IL2RA: variants seen among roughly 807,000 people sequenced by gnomAD.
IL2RA encodes the protein interleukin 2 receptor subunit alpha, also known as interleukin-2 receptor subunit alpha.
In IL2RA, 24 loss-of-function variants were observed where a neutral mutation model predicts 37.8. That is an observed-to-expected ratio of 0.63 (90% CI 0.46 to 0.89). IL2RA has a LOEUF of 0.89. Among genes scored for constraint, IL2RA ranks in the 40% least tolerant of loss-of-function variants. The pLI, the probability that IL2RA is intolerant of heterozygous loss-of-function variation, is 0.00. For synonymous variants in IL2RA, 125 were observed against 114.6 expected (o/e 1.09, Z -0.58); for missense variants, 319 against 348.6 (o/e 0.92, Z 0.68).
chr10:6,018,191 A>C lies in IL2RA; in HGVS notation c.728-72T>G. 8.2e-7 allele frequency: 1 copy of C among 1,213,656 alleles called. No homozygotes were observed. Among genetic ancestry groups the C allele is most frequent in the Non-Finnish European group, 1.2e-6 (1 of 821,704 alleles). The allele number at this position is 1,213,656 out of a possible 1,614,324, so 75.2% of individuals were successfully genotyped here. ...TGGGGGCAGCAGGAGCCAGGGCCAC[A>C]GGGCAGGCTGAGGACATCCCCAAAG... On this transcript the variant is annotated intron_variant, in intron 6 of 7. Transcript: ENST00000379959. This position sits in a 1 kb window ranked among gnomAD's most constrained non-coding sequence, Gnocchi z 5.1.
At position 6,056,765 on chromosome 10, in the gene IL2RA, T is replaced by C. The variant is rs1176205026; in HGVS notation, c.64+5323A>G. Among the ~76,000 whole-genome samples the C allele has an allele frequency of 1.3e-5, 2 of 151,906 alleles. No homozygotes were observed. Among genetic ancestry groups the C allele is most frequent in the African/African-American group, 4.8e-5 (2 of 41,382 alleles). On this transcript the variant is annotated intron_variant, in intron 1 of 7. Transcript: ENST00000379959. The surrounding 1 kb of genome is among the most constrained non-coding windows in gnomAD (Gnocchi z 5.0). ...CGAAACTGTCCAAAAAAAAAAAAGA[T>C]TCCCCTTTCTCTTCTCTCAGGGAAT... is the stretch of plus-strand genomic sequence containing the variant.
chr10:6,051,709 G>A (rs1274871465), intron 1 of IL2RA, among the ~76,000 whole-genome samples: 3 of 143,896 alleles, frequency 2.1e-5, no homozygotes, highest in East Asian at 2.0e-4. Context: ...TAGTAGAGAC[G>A]GGGTTTCACC....
chr10:6,049,324 G>A (rs976642887), intron 1 of IL2RA, among the ~76,000 whole-genome samples: 5 of 152,296 alleles, frequency 3.3e-5, no homozygotes, highest in South Asian at 2.1e-4. Flanking sequence ...TCTATGGTTG[G>A]ATGATCCCCA....
At position 6,020,735 on chromosome 10, in the gene IL2RA, G is replaced by A. The variant is rs1039663555; in HGVS notation, c.583+743C>T. Reference sequence around the variant, plus strand: ...TTTAGTAGAGACGGGGTTTCACCATGTTGGCCAGGCTGGTCTCGAACTCCT... The same window carrying A: ...TTTAGTAGAGACGGGGTTTCACCATATTGGCCAGGCTGGTCTCGAACTCCT... On this transcript the variant is annotated intron_variant, in intron 4 of 7. Coordinates refer to ENST00000379959, the MANE Select transcript of IL2RA (RefSeq NM_000417.3). The surrounding 1 kb of genome is among the most constrained non-coding windows in gnomAD (Gnocchi z 5.6). 2.6e-5 allele frequency among the ~76,000 whole-genome samples: 4 copies of A among 152,120 alleles called. No individual in the cohort carries two copies. Among genetic ancestry groups the A allele is most frequent in the African/African-American group, 9.7e-5 (4 of 41,404 alleles).
Position 6,018,088 on chromosome 10 carries a change from G to T in IL2RA, c.759C>A (p.Val253=), listed in dbSNP as rs752198531. 6.2e-7 allele frequency: 1 copy of T among 1,614,024 alleles called. No homozygotes were observed. The highest frequency in any genetic ancestry group is 1.1e-5 in the South Asian group (1 of 91,062). The stretch of plus-strand genomic sequence containing the variant: ...GCCAGGTGAGCCCACTCAGGAGGAG[G>T]ACGCTGATCAGCAGGAAAACACAGC... The part of the protein sequence containing the change: ...VAGCVFLLIS[V]LLLSGLTWQR... The change falls in exon 7 of 8, where the codon GTC becomes GTA. Residue 253 remains valine, a synonymous_variant. Coordinates refer to ENST00000379959, the MANE Select transcript of IL2RA (RefSeq NM_000417.3). The surrounding 1 kb of genome is among the most constrained non-coding windows in gnomAD (Gnocchi z 5.1).
rs938530029 is a variant in IL2RA, at chr10:6,029,711, A to AT, written c.65-3687dup. 1.5e-3 allele frequency among the ~76,000 whole-genome samples: 216 copies of AT among 148,010 alleles called. No individual in the cohort carries two copies. Among genetic ancestry groups the AT allele is most frequent in the Admixed American group, 2.2e-3 (32 of 14,852 alleles). ...CTCAGTAGATAAATGAAAACTTGTA[A>AT]TTTTTTTTTTTGAGATGGAGTCTTG... On this transcript the variant is annotated intron_variant, in intron 1 of 7. Coordinates refer to ENST00000379959, the MANE Select transcript of IL2RA (RefSeq NM_000417.3). This position sits in a 1 kb window ranked among gnomAD's most constrained non-coding sequence, Gnocchi z 4.6.
intron 1 of IL2RA, among the ~76,000 whole-genome samples, chr10:6,045,943 GT>G (rs1839848671): frequency 6.6e-6 from 1 of 152,170 alleles, no homozygotes; most frequent in Non-Finnish European, 1.5e-5. Flanking sequence ...GATGCTAAGA[GT>G]TTCTCCTGGG....
rs1167191087 is a variant in IL2RA, at chr10:6,035,742, C to A, written c.65-9717G>T. On this transcript the variant is annotated intron_variant, in intron 1 of 7. Coordinates refer to ENST00000379959, the MANE Select transcript of IL2RA (RefSeq NM_000417.3). This position sits in a 1 kb window ranked among gnomAD's most constrained non-coding sequence, Gnocchi z 5.4. ...GCCGAGGGCTTTGGCCTGGGACCCA[C>A]ACCAAGACAGAGTCAAACCGAGTTC... is the stretch of plus-strand genomic sequence containing the variant. Among the ~76,000 whole-genome samples the A allele has an allele frequency of 6.6e-6, 1 of 152,214 alleles. No individual in the cohort carries two copies. The highest frequency in any genetic ancestry group is 1.5e-5 in the Non-Finnish European group (1 of 68,028).
Position 6,026,043 on chromosome 10 carries a change from C to T in IL2RA, c.65-18G>A, listed in dbSNP as rs1006818127. On this transcript the variant is annotated intron_variant, in intron 1 of 7. Transcript: ENST00000379959. ...ACAGAGCTCTGCAAAGCAAAAGAAG[C>T]CTATTAGGAACTCAAGAGGCCCCAG... 1 of 1,612,246 alleles carries T rather than the reference C, an allele frequency of 6.2e-7. No homozygotes were observed.
intron 1 of IL2RA, among the ~76,000 whole-genome samples, chr10:6,032,991 A>T (rs570216530): frequency 6.6e-6 from 1 of 152,356 alleles, no homozygotes; most frequent in South Asian, 2.1e-4. Context: ...TAAAAGACTG[A>T]TACGTCAAAT....
In IL2RA at chr10:6,021,489, C is replaced by T; in HGVS notation, c.572G>A (p.Ser191Asn). Residue 191 changes from serine (S) to asparagine (N), a missense_variant, in exon 4 of 8, where the codon AGT (serine) becomes AAT (asparagine). Physicochemically the swap from Ser to Asn is conservative, Grantham distance 46. Coordinates refer to ENST00000379959, the MANE Select transcript of IL2RA (RefSeq NM_000417.3). The surrounding 1 kb of genome is among the most constrained non-coding windows in gnomAD (Gnocchi z 4.9). ...QLICTGEMET[S>N]QFPGEEKPQA... is the part of the protein sequence containing the mutation. ...GGGAGCCACCCTACCTGGAAACTGA[C>T]TGGTCTCCATTTCACCTGTGCATAT... 1.2e-6 allele frequency: 2 copies of T among 1,613,850 alleles called. No homozygotes were observed. Among genetic ancestry groups the T allele is most frequent in the Non-Finnish European group, 1.7e-6 (2 of 1,179,926 alleles).
rs557456910 is a variant in IL2RA, at chr10:6,046,236, C to G, written c.64+15852G>C. ...GATCATGCCTTTTCACAGACAATGACAATCCAAATGTGGAAACACAGGGAG... is the reference window on the plus strand; with the variant it reads ...GATCATGCCTTTTCACAGACAATGAGAATCCAAATGTGGAAACACAGGGAG... On this transcript the variant is annotated intron_variant, in intron 1 of 7. Transcript: ENST00000379959. This position sits in a 1 kb window ranked among gnomAD's most constrained non-coding sequence, Gnocchi z 4.8. Among the ~76,000 whole-genome samples, 70 of 152,274 alleles carry G rather than the reference C, an allele frequency of 4.6e-4. No homozygotes were observed. Among genetic ancestry groups the G allele is most frequent in the African/African-American group, 1.6e-3 (66 of 41,536 alleles).
Position 6,025,878 on chromosome 10 carries a change from G to C in IL2RA, c.212C>G (p.Ser71Cys), listed in dbSNP as rs766766658. Residue 71 changes from serine (S) to cysteine (C), a missense_variant, in exon 2 of 8, where the codon TCT (serine) becomes TGT (cysteine). Physicochemically the swap from Ser to Cys is moderately radical, Grantham distance 112. Coordinates refer to ENST00000379959, the MANE Select transcript of IL2RA (RefSeq NM_000417.3). The surrounding 1 kb of genome is among the most constrained non-coding windows in gnomAD (Gnocchi z 4.4). ...GSLYMLCTGN[S>C]SHSSWDNQCQ... ...TTGGTTGTCCCAGGACGAGTGGCTA[G>C]AGTTTCCTGTACAGAGCATATAGAG... 1 of 1,614,190 alleles carries C rather than the reference G, an allele frequency of 6.2e-7. No homozygotes were observed. Among genetic ancestry groups the C allele is most frequent in the East Asian group, 2.2e-5 (1 of 44,894 alleles).
chr10:6,042,999 T>TGATCTCAC (rs1206681672), intron 1 of IL2RA, among the ~76,000 whole-genome samples: 1 of 152,220 alleles, frequency 6.6e-6, no homozygotes, highest in Non-Finnish European at 1.5e-5. Context: ...CTAGGATCAG[T>TGATCTCAC]GATCTCACTT....
At chr10:6,031,466 A>G (rs1031231422) in intron 1 of IL2RA, among the ~76,000 whole-genome samples, 3 of 16,496 alleles carry the variant, frequency 1.8e-4, no homozygotes, top group East Asian at 1.6e-3. Flanking sequence ...ATATATATAT[A>G]TATATATATA....
intron 1 of IL2RA, among the ~76,000 whole-genome samples, chr10:6,049,922 G>A (rs1000834850): frequency 1.3e-5 from 2 of 152,190 alleles, no homozygotes; most frequent in Admixed American, 1.3e-4. Context: ...GGAGGAGGGT[G>A]TTCCTGGGAG....
intron 1 of IL2RA, among the ~76,000 whole-genome samples, chr10:6,053,937 C>T (rs1840004187): frequency 6.6e-6 from 1 of 152,374 alleles, no homozygotes; most frequent in African/African-American, 2.4e-5. Flanking sequence ...AACGGGGGGA[C>T]ATGGGCCAGC....
rs1839405742 is a variant in IL2RA, at chr10:6,022,627, C to T, written c.368-934G>A. On this transcript the variant is annotated intron_variant, in intron 3 of 7. Transcript: ENST00000379959. This position sits in a 1 kb window ranked among gnomAD's most constrained non-coding sequence, Gnocchi z 4.7. The stretch of plus-strand genomic sequence containing the variant: ...GCTGGGTGGCCCTGTCCCAGGCTGG[C>T]TCCTGCCATGTGGCACCTTGAACAT... Among the ~76,000 whole-genome samples, 1 of 150,894 alleles carries T rather than the reference C, an allele frequency of 6.6e-6. No homozygotes were observed. The highest frequency in any genetic ancestry group is 2.5e-5 in the African/African-American group (1 of 40,456).
chr10:6,060,926 T>C (rs1021417941), intron 1 of IL2RA, among the ~76,000 whole-genome samples: 1 of 152,170 alleles, frequency 6.6e-6, no homozygotes, highest in Non-Finnish European at 1.5e-5. Flanking sequence ...AATAAATTCT[T>C]TCTACAGCCA....
Sources: gnomAD v4.1 joint callset for allele counts (sites outside exome capture counted in the v4.1 genomes callset) on GRCh38, gnomAD v4.1.1 for gene constraint, Gnocchi (gnomAD v3.1) non-coding constraint, MANE v1.5 for transcripts, NCBI Gene and HGNC (gene_info 2026-07-23, HGNC 2026-07-21) for gene names.